The following L3MBTL3 variants were observed in gnomAD, a reference collection of about 807,000 sequenced individuals.
The protein encoded by L3MBTL3 is lethal(3)malignant brain tumor-like protein 3.
Under a neutral mutation model 102.3 loss-of-function variants are expected in L3MBTL3, and 27 were observed. That is an observed-to-expected ratio of 0.26 (90% CI 0.19 to 0.36). The LOEUF (loss-of-function observed/expected upper bound fraction) is 0.36. L3MBTL3 is among the 10% of genes least tolerant of loss of function. L3MBTL3 has a pLI of 1.00. For missense variants in L3MBTL3, 798 were observed against 955.3 expected (o/e 0.84, Z 2.17); for synonymous variants, 340 against 320.9 (o/e 1.06, Z -0.64).
chr6:130,051,998 G>A lies in L3MBTL3; in HGVS notation c.449+590G>A, dbSNP rs1041807292. Among the ~76,000 whole-genome samples, 5 of 152,158 alleles carry A rather than the reference G, an allele frequency of 3.3e-5. 1 individual carries two copies. Among genetic ancestry groups the A allele is most frequent in the Non-Finnish European group, 7.3e-5 (5 of 68,032 alleles). ...ACAAAGTTCAGCTTATCACCAAGAAGGTGTTTTTCTTGCATATCATTGTAT... is the reference window on the plus strand; with the variant it reads ...ACAAAGTTCAGCTTATCACCAAGAAAGTGTTTTTCTTGCATATCATTGTAT... On this transcript the variant is annotated intron_variant, in intron 6 of 22. Coordinates refer to ENST00000361794, the MANE Select transcript of L3MBTL3 (RefSeq NM_032438.4).
chr6:130,124,706 C>T (rs542419442), intron 20 of L3MBTL3, among the ~76,000 whole-genome samples: 14 of 152,334 alleles, frequency 9.2e-5, no homozygotes, highest in African/African-American at 3.1e-4. Flanking sequence ...TGTGGTGGCT[C>T]ACGCCTATAA....
Position 130,133,397 on chromosome 6 carries a change from TG to T in L3MBTL3, c.1967-51del. 6.4e-7 allele frequency: 1 copy of T among 1,573,978 alleles called. No individual in the cohort carries two copies. ...CGTTATCTGGGAGATGCACGGCATTTGGGGCTTTCTTGCTGCTTTCAGAGAG... is the reference window on the plus strand; with the variant it reads ...CGTTATCTGGGAGATGCACGGCATTTGGGCTTTCTTGCTGCTTTCAGAGAG... On this transcript the variant is annotated intron_variant, in intron 20 of 22. Transcript: ENST00000361794. The surrounding 1 kb of genome is among the most constrained non-coding windows in gnomAD (Gnocchi z 4.9).
intron 15 of L3MBTL3, among the ~76,000 whole-genome samples, chr6:130,084,484 G>T (rs1017579362): frequency 1.3e-5 from 2 of 151,934 alleles, no homozygotes; most frequent in African/African-American, 4.8e-5. Flanking sequence ...GTCCAAATTT[G>T]CTCTTAAAAA....
At chr6:130,027,995 A>T (rs1779462033) in intron 2 of L3MBTL3, among the ~76,000 whole-genome samples, 2 of 152,134 alleles carry the variant, frequency 1.3e-5, no homozygotes, top group Non-Finnish European at 2.9e-5. Flanking sequence ...TGAATTTAAA[A>T]TAAAAGCATT....
At chr6:130,027,091 G>A (rs935046214) in intron 2 of L3MBTL3, among the ~76,000 whole-genome samples, 8 of 152,120 alleles carry the variant, frequency 5.3e-5, no homozygotes, top group African/African-American at 1.7e-4. Context: ...AAAATGAGGT[G>A]AAGAGTCTAT....
intron 1 of L3MBTL3, 95 bp downstream of exon 1, chr6:130,018,759 T>C (rs1778724901): frequency 6.6e-6 from 1 of 152,212 alleles, no homozygotes; most frequent in South Asian, 2.1e-4. Context: ...GGATGAAAGT[T>C]AAGAGCCCTA....
intron 2 of L3MBTL3, among the ~76,000 whole-genome samples, chr6:130,037,700 C>T (rs547751341): frequency 2.0e-5 from 3 of 152,230 alleles, no homozygotes; most frequent in East Asian, 3.9e-4. Flanking sequence ...TATTTTGATA[C>T]ATGCATATCA....
intron 2 of L3MBTL3, among the ~76,000 whole-genome samples, chr6:130,036,231 TTAAAA>T (rs1454229929): frequency 1.3e-5 from 2 of 152,200 alleles, no homozygotes; most frequent in Non-Finnish European, 2.9e-5. Flanking sequence ...GCAGCTTTTC[TTAAAA>T]TAATATTGGT....
intron 19 of L3MBTL3, among the ~76,000 whole-genome samples, chr6:130,115,660 TAC>T (rs1785622987): frequency 6.6e-6 from 1 of 152,152 alleles, no homozygotes; most frequent in Non-Finnish European, 1.5e-5. Flanking sequence ...GACACATAAT[TAC>T]AGAGAAAAAG....
At chr6:130,122,536 G>A (rs1330294550) in intron 20 of L3MBTL3, among the ~76,000 whole-genome samples, 2 of 152,190 alleles carry the variant, frequency 1.3e-5, no homozygotes, top group African/African-American at 4.8e-5. Context: ...ATTGTAATGA[G>A]GATGAAGTAC....
At chr6:130,025,250 CACATTT>C (rs1436893796) in intron 2 of L3MBTL3, among the ~76,000 whole-genome samples, 1 of 152,120 alleles carries the variant, frequency 6.6e-6, no homozygotes. Context: ...CATATGGGTG[CACATTT>C]ATATGTGACA....
At chr6:130,021,274 CTTTACTCG>C (rs1447080113) in intron 1 of L3MBTL3, among the ~76,000 whole-genome samples, 1 of 152,152 alleles carries the variant, frequency 6.6e-6, no homozygotes, top group African/African-American at 2.4e-5. Flanking sequence ...AAAGTTTGGC[CTTTACTCG>C]TAGCTACGTA....
chr6:130,051,298 A>G lies in L3MBTL3; in HGVS notation c.339A>G (p.Lys113=). The change falls in exon 6 of 23, where the codon AAA becomes AAG. Residue 113 remains lysine (K), a synonymous_variant. Transcript: ENST00000361794. The part of the protein sequence containing the change: ...GMPFRLKDPV[K]VEGLQFCENC... ...CTTTCAGGTTGAAGGATCCAGTGAA[A>G]GTAGAAGGGCTTCAGTTCTGTGAGA... The G allele has an allele frequency of 6.2e-7, 1 of 1,614,068 alleles. No individual in the cohort carries two copies. Among genetic ancestry groups the G allele is most frequent in the Non-Finnish European group, 8.5e-7 (1 of 1,179,918 alleles).
At chr6:130,087,155 A>G (rs1356820631) in intron 16 of L3MBTL3, among the ~76,000 whole-genome samples, 4 of 152,080 alleles carry the variant, frequency 2.6e-5, no homozygotes, top group South Asian at 2.1e-4. Context: ...ACTATCTCTA[A>G]TAAGATAGTG....
Position 130,049,786 on chromosome 6 carries a change from T to A in L3MBTL3, c.245T>A (p.Val82Glu). 1 of 1,614,018 alleles carries A rather than the reference T, an allele frequency of 6.2e-7. No individual in the cohort carries two copies. ...ACCTCTCCCCCGAGCTCCAGGCCCG[T>A]ATTTCCACCTGCCTACTGGACATCT... ...APTSPPSSRPVFPPAYWTSPP... is the reference protein window; with the variant it reads ...APTSPPSSRPEFPPAYWTSPP... Residue 82 changes from valine (V) to glutamate (E), a missense_variant, in exon 5 of 23, where the codon GTA (valine) becomes GAA (glutamate). By Grantham distance (121) the Val-to-Glu change is moderately radical (BLOSUM62 -2). Coordinates refer to ENST00000361794, the MANE Select transcript of L3MBTL3 (RefSeq NM_032438.4).
intron 2 of L3MBTL3, among the ~76,000 whole-genome samples, chr6:130,038,130 TC>T (rs1780175147): frequency 6.6e-6 from 1 of 152,150 alleles, no homozygotes; most frequent in Non-Finnish European, 1.5e-5. Flanking sequence ...GGTTGAATAT[TC>T]CTGTGTGTGT....
At chr6:130,138,610 AGGTACTG>A (rs1348664262) in intron 22 of L3MBTL3, 1 of 152,160 alleles carries the variant, frequency 6.6e-6, no homozygotes, top group African/African-American at 2.4e-5. Flanking sequence ...TCACATTCTG[AGGTACTG>A]GGAGTCAGGA....
rs115887071 is a variant in L3MBTL3, at chr6:130,137,175, A to G, written c.2200-2435A>G. Among the ~76,000 whole-genome samples the G allele has an allele frequency of 2.5e-3, 374 of 152,340 alleles. 1 individual carries two copies. The highest frequency in any genetic ancestry group is 8.7e-3 in the African/African-American group (360 of 41,582). The stretch of plus-strand genomic sequence containing the variant: ...AAGACTCACTCAGACAGAGCATGTC[A>G]CTGTGGTTTCGAGTTAAGGCATTGG... On this transcript the variant is annotated intron_variant, in intron 22 of 22. Coordinates refer to ENST00000361794, the MANE Select transcript of L3MBTL3 (RefSeq NM_032438.4).
intron 3 of L3MBTL3, among the ~76,000 whole-genome samples, chr6:130,045,535 G>T (rs984944455): frequency 6.6e-6 from 1 of 152,154 alleles, no homozygotes; most frequent in Non-Finnish European, 1.5e-5. Context: ...GCCTGGAGTA[G>T]TTAATTCACT....
Sources: gnomAD v4.1 joint callset for allele counts (sites outside exome capture counted in the v4.1 genomes callset) on GRCh38, gnomAD v4.1.1 for gene constraint, Gnocchi (gnomAD v3.1) non-coding constraint, MANE v1.5 for transcripts, NCBI Gene and HGNC (gene_info 2026-07-23, HGNC 2026-07-21) for gene names.